The following DENND4C variants were observed in gnomAD, a reference collection of about 807,000 sequenced individuals.
The protein encoded by DENND4C is DENN domain-containing protein 4C.
In DENND4C, 108 loss-of-function variants were observed where a neutral mutation model predicts 203.0. That is an observed-to-expected ratio of 0.53 (90% CI 0.46 to 0.62). The LOEUF is 0.62. Among genes scored for constraint, DENND4C ranks in the 20% least tolerant of loss-of-function variants. The pLI, the probability that DENND4C is intolerant of heterozygous loss-of-function variation, is 0.00. For synonymous variants in DENND4C, 871 were observed against 792.4 expected (o/e 1.10, Z -1.67); for missense variants, 2,481 against 2,301.2 (o/e 1.08, Z -1.60).
At chr9:19,235,671 C>T (rs1409564145) in intron 1 of DENND4C, among the ~76,000 whole-genome samples, 2 of 131,020 alleles carry the variant, frequency 1.5e-5, no homozygotes, top group East Asian at 2.5e-4. Flanking sequence ...AGTGCAGTGG[C>T]GTGATCTCAG....
At chr9:19,301,931 G>A (rs143621932) in intron 9 of DENND4C, among the ~76,000 whole-genome samples, 3,277 of 152,068 alleles carry the variant, frequency 0.022, 124 homozygotes, top group African/African-American at 0.074. Flanking sequence ...GCAAGACTCC[G>A]TCTCAAAAAA....
At chr9:19,268,000 T>C (rs1246169581) in intron 1 of DENND4C, among the ~76,000 whole-genome samples, 1 of 152,160 alleles carries the variant, frequency 6.6e-6, no homozygotes, top group Non-Finnish European at 1.5e-5. Flanking sequence ...TTCTTTTCCT[T>C]CCTTCCTTCC....
At chr9:19,342,124 C>CAAAAAAA (rs34191941) in intron 21 of DENND4C, among the ~76,000 whole-genome samples, 1 of 61,866 alleles carries the variant, frequency 1.6e-5, no homozygotes, top group African/African-American at 5.5e-5. Context: ...GACTCCATCT[C>CAAAAAAA]AAAAAAAAAA....
chr9:19,369,295 C>G (rs1026052235), intron 30 of DENND4C, among the ~76,000 whole-genome samples: 1 of 152,122 alleles, frequency 6.6e-6, no homozygotes, highest in African/African-American at 2.4e-5. Flanking sequence ...ACATTCCAGC[C>G]TCAGGCAGTA....
chr9:19,235,980 TTTG>T (rs200324850), intron 1 of DENND4C, among the ~76,000 whole-genome samples: 4,567 of 152,038 alleles, frequency 0.03, 222 homozygotes, highest in African/African-American at 0.1. Context: ...GAGTTTTTTC[TTTG>T]TTATGTTTTT....
chr9:19,293,667 C>T (rs114897583), intron 5 of DENND4C, among the ~76,000 whole-genome samples: 165 of 152,272 alleles, frequency 1.1e-3, no homozygotes, highest in African/African-American at 3.9e-3. Context: ...CAAGGCTAAA[C>T]AAAATACATA....
At chr9:19,266,218 A>G (rs1258383846) in intron 1 of DENND4C, among the ~76,000 whole-genome samples, 1 of 151,990 alleles carries the variant, frequency 6.6e-6, no homozygotes, top group Non-Finnish European at 1.5e-5. Context: ...GATGATGAGC[A>G]TTTTTTCATG....
intron 10 of DENND4C, among the ~76,000 whole-genome samples, chr9:19,310,493 A>T: frequency 6.6e-6 from 1 of 152,228 alleles, no homozygotes; most frequent in East Asian, 1.9e-4. Context: ...AGCACATTTG[A>T]GTAGTTATGA....
chr9:19,323,746 A>G (rs1315642081), intron 12 of DENND4C, among the ~76,000 whole-genome samples: 1 of 152,226 alleles, frequency 6.6e-6, no homozygotes, highest in African/African-American at 2.4e-5. Context: ...AAGAGTATGC[A>G]GAGTATCAGA....
rs577839832 is a variant in DENND4C at position 19,289,689 on chromosome 9, C to T, written c.629-1015C>T. ...ACTAAAAATACAAAAATTAGCCAGG[C>T]GTGGTGGCACGCATCTGTAGTCCCA... On this transcript the variant is annotated intron_variant, in intron 4 of 32. Transcript: ENST00000434457. Among the ~76,000 whole-genome samples, 32 of 151,908 alleles carry T rather than the reference C, an allele frequency of 2.1e-4. 1 individual carries two copies. In the South Asian group the frequency reaches 6.6e-3, roughly 32 times the overall value.
At chr9:19,272,943 T>A (rs1378634825) in intron 1 of DENND4C, among the ~76,000 whole-genome samples, 2 of 124,464 alleles carry the variant, frequency 1.6e-5, no homozygotes, top group Non-Finnish European at 3.4e-5. Flanking sequence ...AATTTTTGTA[T>A]CCTTTTTTTT....
At chr9:19,249,727 C>T (rs1246916977) in intron 1 of DENND4C, among the ~76,000 whole-genome samples, 1 of 152,160 alleles carries the variant, frequency 6.6e-6, no homozygotes, top group Non-Finnish European at 1.5e-5. Flanking sequence ...TGCTGTTTCA[C>T]AGGCTATAAT....
chr9:19,245,753 G>A (rs760978285), intron 1 of DENND4C, among the ~76,000 whole-genome samples: 1 of 151,894 alleles, frequency 6.6e-6, no homozygotes, highest in Non-Finnish European at 1.5e-5. Context: ...CTACTCAGAA[G>A]GCTGAGGCGG....
At chr9:19,357,745 T>C in intron 27 of DENND4C, 1 of 429,982 alleles carries the variant, frequency 2.3e-6, no homozygotes, top group Non-Finnish European at 4.1e-6. Context: ...ATCTACAATA[T>C]GTCATCTTCC....
chr9:19,259,887 A>T (rs915328254), intron 1 of DENND4C, among the ~76,000 whole-genome samples: 1 of 152,140 alleles, frequency 6.6e-6, no homozygotes, highest in African/African-American at 2.4e-5. Flanking sequence ...GTTCCTTCCA[A>T]ATCTTGGCTA....
rs1828994456 is a variant in DENND4C at position 19,372,382 on chromosome 9, G to C, written c.*209G>C. 2.0e-6 allele frequency: 1 copy of C among 505,330 alleles called. No individual in the cohort carries two copies. Among genetic ancestry groups the C allele is most frequent in the South Asian group, 6.0e-5 (1 of 16,770 alleles). The allele number at this position is 505,330 out of a possible 1,614,324, so 31.3% of individuals were successfully genotyped here. ...TGTCCCAGGGCTTATTAATATTGAA[G>C]ATTTTCAACCCCTGAACTGCTTTTC... On this transcript the variant is annotated 3_prime_UTR_variant, in exon 33 of 33. Coordinates refer to ENST00000434457, the MANE Select transcript of DENND4C (RefSeq NM_001330640.2).
intron 16 of DENND4C, among the ~76,000 whole-genome samples, chr9:19,328,649 GTCTGTCTGTCTA>G (rs757143522): frequency 0.011 from 1,526 of 140,050 alleles, 6 homozygotes; most frequent in African/African-American, 0.025. Context: ...CTGTCTGTCT[GTCTGTCTGTCTA>G]TCTATCTATC....
intron 1 of DENND4C, among the ~76,000 whole-genome samples, chr9:19,231,994 A>G (rs1820690235): frequency 6.6e-6 from 1 of 152,206 alleles, no homozygotes; most frequent in African/African-American, 2.4e-5. Flanking sequence ...TCTATCAGAA[A>G]TGCAGAGCGT....
At chr9:19,300,439 A>G in intron 9 of DENND4C, 108 bp downstream of exon 9, 1 of 1,129,768 alleles carries the variant, frequency 8.9e-7, no homozygotes, top group Non-Finnish European at 1.2e-6. Flanking sequence ...AAATTTAAAA[A>G]AAGGAACTTT....
Sources: allele counts gnomAD v4.1 joint callset (sites outside exome capture counted in the v4.1 genomes callset), GRCh38; gene constraint gnomAD v4.1.1; transcripts MANE v1.5; gene names NCBI Gene and HGNC (gene_info 2026-07-23, HGNC 2026-07-21).